The following PCDH7 variants were observed in gnomAD, a reference collection of about 807,000 sequenced individuals.
PCDH7 encodes protocadherin 7, also known as protocadherin-7.
PCDH7 carries 17 observed loss-of-function variants against 58.9 expected under a neutral mutation model. That is an observed-to-expected ratio of 0.29 (90% CI 0.20 to 0.43). The LOEUF is 0.43. PCDH7 is among the 20% of genes least tolerant of loss of function. The pLI is 1.00. For missense variants in PCDH7, 1,274 were observed against 1,441.0 expected, an observed-to-expected ratio of 0.88 and a Z score of 1.88; for synonymous variants, 664 against 616.4, an observed-to-expected ratio of 1.08 and a Z score of -1.14.
chr4:30,726,589 G>T (rs138527632), intron 1 of PCDH7, among the ~76,000 whole-genome samples: 1 of 151,946 alleles, frequency 6.6e-6, no homozygotes, highest in South Asian at 2.1e-4. Context: ...CTAATATATG[G>T]TGTTAGCCTT....
intron 3 of PCDH7, among the ~76,000 whole-genome samples, chr4:31,106,807 A>C (rs1165775341): frequency 6.6e-6 from 1 of 152,214 alleles, no homozygotes. Context: ...TTAGGATAGT[A>C]TTCTATTTCT....
chr4:31,077,266 C>T (rs770031186), intron 3 of PCDH7, among the ~76,000 whole-genome samples: 67 of 151,514 alleles, frequency 4.4e-4, no homozygotes, highest in Non-Finnish European at 7.1e-4. Context: ...CAAAATTAGC[C>T]GGGCGTGTGG....
intron 1 of PCDH7, among the ~76,000 whole-genome samples, chr4:30,851,721 G>C (rs536057435): frequency 5.9e-5 from 9 of 152,106 alleles, no homozygotes; most frequent in African/African-American, 1.7e-4. Flanking sequence ...AACCACTACT[G>C]AGTGTAGTAA....
At chr4:31,051,833 T>TGGGGGG in intron 3 of PCDH7, among the ~76,000 whole-genome samples, 1 of 133,776 alleles carries the variant, frequency 7.5e-6, no homozygotes, top group East Asian at 2.6e-4. Flanking sequence ...TGGGTGTGTG[T>TGGGGGG]GGGGGGCGGG....
intron 3 of PCDH7, among the ~76,000 whole-genome samples, chr4:30,962,080 A>G (rs1438982057): frequency 6.6e-6 from 1 of 152,206 alleles, no homozygotes; most frequent in Non-Finnish European, 1.5e-5. Context: ...AACAAGAGCA[A>G]CAGACTCCAG....
chr4:30,852,735 C>T (rs1176410524), intron 1 of PCDH7, among the ~76,000 whole-genome samples: 1 of 150,086 alleles, frequency 6.7e-6, no homozygotes, highest in African/African-American at 2.5e-5. Context: ...GCATTATTGG[C>T]CTCGGATGAG....
chr4:30,957,181 C>A (rs1053179571), intron 3 of PCDH7, among the ~76,000 whole-genome samples: 2 of 152,126 alleles, frequency 1.3e-5, no homozygotes, highest in African/African-American at 4.8e-5. Context: ...CCGAAGATGT[C>A]CAATCACAAA....
chr4:31,087,717 G>A (rs537158786), intron 3 of PCDH7, among the ~76,000 whole-genome samples: 22 of 152,152 alleles, frequency 1.4e-4, no homozygotes, highest in East Asian at 1.2e-3. Flanking sequence ...CTAAAATGTC[G>A]ATTAATTCAG....
downstream of PCDH7, among the ~76,000 whole-genome samples, chr4:30,734,207 A>AT (rs1715919653): frequency 6.6e-6 from 1 of 151,186 alleles, no homozygotes; most frequent in African/African-American, 2.4e-5. Flanking sequence ...TAATCCATTC[A>AT]TTTTTTAGAA....
rs145860399 is a variant in PCDH7, at chr4:31,095,117, ATT to A, written c.*8-47346_*8-47345del. ...GAATTATAGATCTACCAGACAGGGT[ATT>A]TTTTTTTTTATGGCTAAAACCTTAG... On this transcript the variant is annotated intron_variant, in intron 3 of 3. Transcript: ENST00000509759. Among the ~76,000 whole-genome samples the A allele has an allele frequency of 2.5e-4, 37 of 148,458 alleles. 2 individuals are homozygous for A. Among genetic ancestry groups the A allele is most frequent in the East Asian group, 1.2e-3 (6 of 5,118 alleles).
chr4:30,840,961 C>A (rs1731139477), intron 1 of PCDH7, among the ~76,000 whole-genome samples: 1 of 151,742 alleles, frequency 6.6e-6, no homozygotes, highest in Non-Finnish European at 1.5e-5. Flanking sequence ...GCATAAGGAC[C>A]CAGTTTTTGG....
rs1309772589 is a variant in PCDH7, at chr4:30,722,093, G to C, written c.671G>C (p.Arg224Pro). Residue 224 changes from arginine to proline, a missense_variant, in exon 1 of 2, where the codon CGG becomes CCG. Arg to Pro is a moderately radical substitution (Grantham distance 103, BLOSUM62 -2). This residue lies in a region of PCDH7 where 331 missense variants were observed against 303.2 expected (regional missense o/e 1.09). Transcript: ENST00000361762. This position sits in a 1 kb window ranked among gnomAD's most constrained non-coding sequence, Gnocchi z 7.6. ...GGCGGCGGCTCGGGAGGCTCCAAGC[G>C]GCGGCTGGACGCATCAGAGGGCGGC... The C allele has an allele frequency of 1.4e-5, 18 of 1,322,410 alleles. No homozygotes were observed. Among genetic ancestry groups the C allele is most frequent in the African/African-American group, 1.5e-5 (1 of 64,778 alleles). 81.9% of individuals were successfully genotyped at this position (1,322,410 alleles called of 1,614,324 possible).
intron 3 of PCDH7, among the ~76,000 whole-genome samples, chr4:31,086,921 A>T (rs1017001096): frequency 5.3e-5 from 8 of 152,210 alleles, no homozygotes; most frequent in African/African-American, 1.9e-4. Flanking sequence ...GTGAATACAT[A>T]GCCAAGAATA....
At chr4:30,824,302 A>G (rs1728833912) in intron 1 of PCDH7, among the ~76,000 whole-genome samples, 1 of 152,024 alleles carries the variant, frequency 6.6e-6, no homozygotes, top group Non-Finnish European at 1.5e-5. Flanking sequence ...CCTCCATTCA[A>G]AAATTTAAAC....
intron 1 of PCDH7, among the ~76,000 whole-genome samples, chr4:30,834,664 TAA>T (rs1466320856): frequency 7.4e-6 from 1 of 134,970 alleles, no homozygotes; most frequent in Non-Finnish European, 1.6e-5. Context: ...GAGATGAAAG[TAA>T]AAAAAAAAAA....
At chr4:30,978,528 G>C (rs1750273329) in intron 3 of PCDH7, among the ~76,000 whole-genome samples, 1 of 152,004 alleles carries the variant, frequency 6.6e-6, no homozygotes. Flanking sequence ...TTTAGATTTG[G>C]TTCAAACGTG....
intron 3 of PCDH7, among the ~76,000 whole-genome samples, chr4:31,123,754 A>T (rs1356937004): frequency 6.6e-6 from 1 of 152,076 alleles, no homozygotes; most frequent in Non-Finnish European, 1.5e-5. Context: ...CCACGAACAG[A>T]TTGAAGGGTG....
At chr4:31,101,766 A>G (rs1714923791) in intron 3 of PCDH7, among the ~76,000 whole-genome samples, 1 of 152,204 alleles carries the variant, frequency 6.6e-6, no homozygotes, top group Non-Finnish European at 1.5e-5. Flanking sequence ...TGCATTGAGT[A>G]TAGTTTTTAT....
At chr4:30,995,516 GA>G (rs113854072) in intron 3 of PCDH7, among the ~76,000 whole-genome samples, 29,380 of 140,072 alleles carry the variant, frequency 0.21, 2,959 homozygotes, top group East Asian at 0.28. Context: ...CCTCCCAAAG[GA>G]AAAAAAAAAA....
Sources: gnomAD v4.1 joint callset for allele counts (sites outside exome capture counted in the v4.1 genomes callset) on GRCh38, gnomAD v4.1.1 for gene constraint, gnomAD v4.1.1 regional missense constraint, Gnocchi (gnomAD v3.1) non-coding constraint, MANE v1.5 for transcripts, NCBI Gene and HGNC (gene_info 2026-07-23, HGNC 2026-07-21) for gene names.